The following DCDC1 variants were observed in gnomAD, a reference collection of about 807,000 sequenced individuals.
DCDC1 encodes doublecortin domain-containing protein 1.
DCDC1 carries 200 observed loss-of-function variants against 178.3 expected under a neutral mutation model. The ratio of observed to expected loss-of-function variants is 1.12; its 90% CI spans 1.00 to 1.26. The LOEUF (loss-of-function observed/expected upper bound fraction) is 1.26, where lower values mean the gene tolerates loss of function less well. DCDC1 is among the 50% of genes most tolerant of loss of function. DCDC1 has a pLI of 0.00. For synonymous variants in DCDC1, 690 were observed against 604.8 expected (o/e 1.14, Z -2.07); for missense variants, 1,983 against 1,749.2 (o/e 1.13, Z -2.38).
intron 3 of DCDC1, among the ~76,000 whole-genome samples, chr11:31,323,868 C>T (rs1464754709): frequency 6.6e-6 from 1 of 152,096 alleles, no homozygotes; most frequent in Non-Finnish European, 1.5e-5. Context: ...TCATCCTGCC[C>T]TTTCTCCAAC....
chr11:31,045,451 CA>C (rs1419133023), intron 20 of DCDC1, among the ~76,000 whole-genome samples: 7 of 151,226 alleles, frequency 4.6e-5, no homozygotes, highest in African/African-American at 1.7e-4. Flanking sequence ...TACAGAGAAA[CA>C]GACTTCCAAT....
At position 31,191,026 on chromosome 11, in the gene DCDC1, C is replaced by T. The variant is rs188549798; in HGVS notation, c.1221+50424G>A. Among the ~76,000 whole-genome samples, 177 of 152,108 alleles carry T rather than the reference C, an allele frequency of 1.2e-3. 1 individual carries two copies. The highest frequency in any genetic ancestry group is 4.0e-3 in the African/African-American group (165 of 41,510). On this transcript the variant is annotated intron_variant, in intron 9 of 38. Coordinates refer to ENST00000684477, the MANE Select transcript of DCDC1 (RefSeq NM_001387274.1). ...TTGCATACAGCCTAGGTACATCCTC[C>T]CATATACTTTAAATAATCCCTAGAT...
chr11:31,363,265 C>T (rs557770018), intron 1 of DCDC1, among the ~76,000 whole-genome samples: 11 of 152,156 alleles, frequency 7.2e-5, no homozygotes, highest in Middle Eastern at 3.4e-3. Flanking sequence ...GAGCACACAA[C>T]ATTTTATATG....
intron 8 of DCDC1, among the ~76,000 whole-genome samples, chr11:31,250,406 A>G (rs1335113207): frequency 7.9e-6 from 1 of 126,756 alleles, no homozygotes; most frequent in Non-Finnish European, 1.7e-5. Flanking sequence ...ACACACACAC[A>G]CACACACACA....
intron 9 of DCDC1, among the ~76,000 whole-genome samples, chr11:31,164,565 CG>C (rs1408447010): frequency 6.7e-6 from 1 of 149,758 alleles, no homozygotes; most frequent in Non-Finnish European, 1.5e-5. Context: ...AAGTTTAAAA[CG>C]TAAAAAAAAA....
Position 31,356,907 on chromosome 11 carries a change from T to C in DCDC1, c.-125+12790A>G, listed in dbSNP as rs952735531. 3.1e-4 allele frequency among the ~76,000 whole-genome samples: 47 copies of C among 152,328 alleles called. 1 individual carries two copies. Among genetic ancestry groups the C allele is most frequent in the South Asian group, 2.7e-3 (13 of 4,820 alleles). ...ACCAGGAAGAAGTTGAATCTCTGAATAGACCAACAACAGGAGCTGAAATTG... is the reference window on the plus strand; with the variant it reads ...ACCAGGAAGAAGTTGAATCTCTGAACAGACCAACAACAGGAGCTGAAATTG... On this transcript the variant is annotated intron_variant, in intron 1 of 38. Coordinates refer to ENST00000684477, the MANE Select transcript of DCDC1 (RefSeq NM_001387274.1).
intron 9 of DCDC1, among the ~76,000 whole-genome samples, chr11:31,161,858 T>C (rs1435259782): frequency 1.3e-5 from 2 of 152,212 alleles, no homozygotes; most frequent in South Asian, 2.1e-4. Flanking sequence ...TCACTACTTA[T>C]ATTTAGCACC....
chr11:31,015,506 T>G (rs1234338051), intron 20 of DCDC1, among the ~76,000 whole-genome samples: 1 of 152,214 alleles, frequency 6.6e-6, no homozygotes. Flanking sequence ...TCTCCACCTG[T>G]GTTCTATCTG....
At chr11:31,000,708 G>GT (rs1302306568) in intron 20 of DCDC1, among the ~76,000 whole-genome samples, 3 of 150,862 alleles carry the variant, frequency 2.0e-5, no homozygotes, top group Admixed American at 6.6e-5. Context: ...ATAATGCATT[G>GT]TTTTTTTTCT....
At chr11:31,291,066 T>C (rs1947197743) in intron 6 of DCDC1, among the ~76,000 whole-genome samples, 1 of 152,060 alleles carries the variant, frequency 6.6e-6, no homozygotes, top group South Asian at 2.1e-4. Flanking sequence ...TCATCATTTC[T>C]GAAGGGAACA....
At chr11:31,160,943 C>A (rs1055763878) in intron 9 of DCDC1, among the ~76,000 whole-genome samples, 1 of 152,152 alleles carries the variant, frequency 6.6e-6, no homozygotes, top group Admixed American at 6.5e-5. Context: ...GTAAAGAGTA[C>A]AGGCACCATC....
intron 21 of DCDC1, among the ~76,000 whole-genome samples, chr11:30,934,718 C>G (rs1039393949): frequency 1.4e-4 from 21 of 152,156 alleles, no homozygotes; most frequent in African/African-American, 4.8e-4. Flanking sequence ...GATCAATATT[C>G]CATCCTAAGG....
At chr11:30,879,289 A>G (rs1942425065) in intron 37 of DCDC1, among the ~76,000 whole-genome samples, 1 of 152,318 alleles carries the variant, frequency 6.6e-6, no homozygotes, top group South Asian at 2.1e-4. Flanking sequence ...CAGAAACAGC[A>G]TGAGTGGAAT....
chr11:31,276,140 C>A (rs1251802906), intron 7 of DCDC1, among the ~76,000 whole-genome samples: 1 of 146,088 alleles, frequency 6.8e-6, no homozygotes, highest in Non-Finnish European at 1.5e-5. Flanking sequence ...CAGCTAATGT[C>A]ATCCTAACTG....
chr11:31,338,962 C>A (rs562109050), intron 1 of DCDC1, among the ~76,000 whole-genome samples: 1 of 152,198 alleles, frequency 6.6e-6, no homozygotes, highest in South Asian at 2.1e-4. Flanking sequence ...AAATAAACCT[C>A]TTTTTCTTAC....
intron 20 of DCDC1, among the ~76,000 whole-genome samples, chr11:30,998,876 T>C (rs74646942): frequency 0.028 from 4,212 of 152,216 alleles, 178 homozygotes; most frequent in African/African-American, 0.095. Flanking sequence ...AGTGGAGAAA[T>C]CTGGCAGACA....
intron 22 of DCDC1, among the ~76,000 whole-genome samples, chr11:30,928,201 T>A (rs75950701): frequency 0.018 from 2,679 of 152,142 alleles, 83 homozygotes; most frequent in African/African-American, 0.061. Flanking sequence ...CTCTCTTACT[T>A]CTTCTCCTCT....
intron 9 of DCDC1, among the ~76,000 whole-genome samples, chr11:31,177,916 C>A (rs1968281911): frequency 6.6e-6 from 1 of 151,776 alleles, no homozygotes; most frequent in South Asian, 2.1e-4. Context: ...AACTGCAATG[C>A]AATAATAGTA....
chr11:31,153,845 TCACA>T (rs1167037285), intron 9 of DCDC1, among the ~76,000 whole-genome samples: 2 of 130,728 alleles, frequency 1.5e-5, no homozygotes, highest in African/African-American at 3.1e-5. Flanking sequence ...GCTGTATCAT[TCACA>T]CAGTGTCATG....
Sources: gnomAD v4.1 joint callset for allele counts (sites outside exome capture counted in the v4.1 genomes callset) on GRCh38, gnomAD v4.1.1 for gene constraint, MANE v1.5 for transcripts, NCBI Gene and HGNC (gene_info 2026-07-23, HGNC 2026-07-21) for gene names.